Variants in CHN2 observed in about 807,000 individuals in gnomAD.
CHN2 encodes the protein beta-chimaerin.
In CHN2, 35 loss-of-function variants were observed where a neutral mutation model predicts 56.3. That is an observed-to-expected ratio of 0.62 (90% CI 0.47 to 0.82). The LOEUF is 0.82. CHN2 is among the 40% of genes least tolerant of loss of function. The probability of loss-of-function intolerance (pLI) is 0.00; values close to 1 mark genes in which losing one functional copy is unlikely to be tolerated. For synonymous variants in CHN2, 210 were observed against 212.8 expected, an observed-to-expected ratio of 0.99 and a Z score of 0.12; for missense variants, 491 against 580.5, an observed-to-expected ratio of 0.85 and a Z score of 1.58.
chr7:29,331,643 C>G (rs895832910), intron 1 of CHN2, among the ~76,000 whole-genome samples: 5 of 152,132 alleles, frequency 3.3e-5, no homozygotes, highest in African/African-American at 4.8e-5. Context: ...TACCCCTTGT[C>G]GGAGAATCAG....
chr7:29,331,727 G>C (rs1030303740), intron 1 of CHN2, among the ~76,000 whole-genome samples: 3 of 152,204 alleles, frequency 2.0e-5, no homozygotes, highest in African/African-American at 7.2e-5. Context: ...AAGGAGTGCA[G>C]AGGGTGGTTA....
intron 6 of CHN2, among the ~76,000 whole-genome samples, chr7:29,411,439 A>T (rs1477168752): frequency 6.6e-6 from 1 of 151,978 alleles, no homozygotes; most frequent in Non-Finnish European, 1.5e-5. Context: ...CCACCCCCAG[A>T]GTGAGTAGCT....
At chr7:29,344,061 T>C (rs2128916165) in intron 1 of CHN2, among the ~76,000 whole-genome samples, 1 of 152,278 alleles carries the variant, frequency 6.6e-6, no homozygotes, top group Middle Eastern at 3.4e-3. Context: ...CCAGAAGTCA[T>C]GTTCCCTCCT....
At chr7:29,186,846 T>C (rs1447957512) in intron 2 of CHN2, among the ~76,000 whole-genome samples, 1 of 152,138 alleles carries the variant, frequency 6.6e-6, no homozygotes, top group Non-Finnish European at 1.5e-5. Context: ...GCCTGTAACC[T>C]TGATAAATTA....
chr7:29,149,553 T>C (rs986534456), intron 2 of CHN2, among the ~76,000 whole-genome samples: 1 of 152,138 alleles, frequency 6.6e-6, no homozygotes, highest in Admixed American at 6.5e-5. Context: ...CAGAACAGAA[T>C]AGAACCATAG....
chr7:29,390,638 A>G (rs544439807), intron 3 of CHN2, among the ~76,000 whole-genome samples: 1 of 152,224 alleles, frequency 6.6e-6, no homozygotes, highest in Non-Finnish European at 1.5e-5. Context: ...TGTCGCCTTC[A>G]CACCTACTGA....
At chr7:29,345,907 T>A (rs1158764488) in intron 1 of CHN2, among the ~76,000 whole-genome samples, 1 of 152,088 alleles carries the variant, frequency 6.6e-6, no homozygotes, top group African/African-American at 2.4e-5. Context: ...GGTCCAGCAG[T>A]AATTCCTGGA....
At chr7:29,405,164 TACACACACACACACACACAC>T (rs57823678) in intron 6 of CHN2, among the ~76,000 whole-genome samples, 4,450 of 105,240 alleles carry the variant, frequency 0.042, 293 homozygotes, top group African/African-American at 0.12. Context: ...TATGTCACCA[TACACACACACACACACACAC>T]ACACACACAC....
intron 1 of CHN2, among the ~76,000 whole-genome samples, chr7:29,305,179 ATTGTTGC>A (rs1794043878): frequency 1.3e-5 from 2 of 152,154 alleles, no homozygotes; most frequent in African/African-American, 4.8e-5. Context: ...ATTCCCAGTG[ATTGTTGC>A]CGGGGAAAGG....
intron 2 of CHN2, among the ~76,000 whole-genome samples, chr7:29,355,772 ATTTTTTTTTT>A (rs1167339692): frequency 6.9e-4 from 36 of 52,392 alleles, no homozygotes; most frequent in South Asian, 5.2e-3. Context: ...AGATGGGACT[ATTTTTTTTTT>A]TTTTTTTTTT....
At position 29,456,787 on chromosome 7, in the gene CHN2, C is replaced by T. The variant is rs1784803256; in HGVS notation, c.577-23492C>T. Among the ~76,000 whole-genome samples the T allele has an allele frequency of 3.9e-5, 6 of 152,104 alleles. No homozygotes were observed. In the South Asian group the frequency reaches 1.2e-3, roughly 32 times the overall value. On this transcript the variant is annotated intron_variant, in intron 6 of 12. Transcript: ENST00000222792. ...TCCGACTAGGAGGGTTCTAGGAATG[C>T]AGGCATTTAGGGCACAGGGAGCGTG...
intron 1 of CHN2, among the ~76,000 whole-genome samples, chr7:29,285,073 C>T (rs1011766132): frequency 1.3e-5 from 2 of 152,176 alleles, no homozygotes; most frequent in Non-Finnish European, 2.9e-5. Context: ...GTGTGAGCCG[C>T]TTCTGTTCTT....
At chr7:29,290,489 A>T (rs566531823) in intron 1 of CHN2, among the ~76,000 whole-genome samples, 1 of 152,296 alleles carries the variant, frequency 6.6e-6, no homozygotes, top group African/African-American at 2.4e-5. Context: ...GGGCCATCTT[A>T]CGGCTTAGAT....
intron 4 of CHN2, among the ~76,000 whole-genome samples, chr7:29,395,459 G>T (rs1801671196): frequency 6.6e-6 from 1 of 151,966 alleles, no homozygotes; most frequent in South Asian, 2.1e-4. Flanking sequence ...AGCCCAGAAG[G>T]TCAACTGAAC....
intron 6 of CHN2, among the ~76,000 whole-genome samples, chr7:29,402,990 T>C (rs1390687740): frequency 1.3e-5 from 2 of 152,092 alleles, no homozygotes; most frequent in Non-Finnish European, 2.9e-5. Context: ...CAAGAAAATA[T>C]TGCAGGAAGA....
intron 2 of CHN2, among the ~76,000 whole-genome samples, chr7:29,179,873 C>A (rs1797842385): frequency 6.6e-6 from 1 of 152,134 alleles, no homozygotes. Flanking sequence ...GCAAGCAAAT[C>A]AACTTAAGTA....
intron 12 of CHN2, chr7:29,509,608 GC>G: frequency 2.3e-6 from 1 of 427,404 alleles, no homozygotes; most frequent in Non-Finnish European, 4.4e-6. Context: ...ACTTTGGGAG[GC>G]CGAGGTGGGC....
chr7:29,330,503 T>C (rs184150763), intron 1 of CHN2, among the ~76,000 whole-genome samples: 46 of 152,362 alleles, frequency 3.0e-4, no homozygotes, highest in Admixed American at 1.7e-3. Context: ...AAGGTGGCCT[T>C]GCTGAAACTT....
intron 1 of CHN2, among the ~76,000 whole-genome samples, chr7:29,247,128 A>G (rs1180189354): frequency 6.6e-6 from 1 of 152,048 alleles, no homozygotes; most frequent in African/African-American, 2.4e-5. Flanking sequence ...GATGGATGGG[A>G]TTTCATCAGG....
Sources: gnomAD v4.1 joint callset for allele counts (sites outside exome capture counted in the v4.1 genomes callset) on GRCh38, gnomAD v4.1.1 for gene constraint, MANE v1.5 for transcripts, NCBI Gene and HGNC (gene_info 2026-07-23, HGNC 2026-07-21) for gene names.